Variants in NPR3 observed in about 807,000 individuals in gnomAD.
NPR3 encodes the protein atrial natriuretic peptide receptor 3.
NPR3 carries 34 observed loss-of-function variants against 54.5 expected under a neutral mutation model. The ratio of observed to expected loss-of-function variants is 0.62; its 90% CI spans 0.47 to 0.83. The LOEUF (loss-of-function observed/expected upper bound fraction) is 0.83. Among genes scored for constraint, NPR3 ranks in the 40% least tolerant of loss-of-function variants. The probability of loss-of-function intolerance (pLI) is 0.00; values close to 1 mark genes in which losing one functional copy is unlikely to be tolerated. For synonymous variants in NPR3, 289 were observed against 297.1 expected, an observed-to-expected ratio of 0.97 and a Z score of 0.28; for missense variants, 674 against 720.8, an observed-to-expected ratio of 0.94 and a Z score of 0.74.
At chr5:32,784,111 G>T (rs1375300580) in intron 6 of NPR3, among the ~76,000 whole-genome samples, 1 of 152,162 alleles carries the variant, frequency 6.6e-6, no homozygotes, top group African/African-American at 2.4e-5. Context: ...AAATCTTCTA[G>T]CACTTTGAAG....
chr5:32,710,784 G>C, upstream of NPR3: 1 of 1,540,104 alleles, frequency 6.5e-7, no homozygotes, highest in Non-Finnish European at 8.8e-7. Context: ...AACGAGAAAG[G>C]TGAGAGCAAG....
chr5:32,742,741 G>T lies in NPR3; in HGVS notation c.1059+3711G>T, dbSNP rs527252747. Among the ~76,000 whole-genome samples the T allele has an allele frequency of 3.3e-5, 5 of 152,166 alleles. No homozygotes were observed. In the South Asian group the frequency reaches 1.0e-3, roughly 32 times the overall value. ...CGGGGGACACTCTTTATTAGACTGT[G>T]GCAGTTCCCTTTTCTCTCTTGTTAG... On this transcript the variant is annotated intron_variant, in intron 3 of 7. Coordinates refer to ENST00000265074, the MANE Select transcript of NPR3 (RefSeq NM_001204375.2).
At chr5:32,738,841 A>ATTTT in intron 2 of NPR3, 23 bp from the exon 3 acceptor site, 1 of 1,605,364 alleles carries the variant, frequency 6.2e-7, no homozygotes, top group Non-Finnish European at 8.5e-7. Context: ...TTGGAATTAT[A>ATTTT]AATATTTTTA....
At chr5:32,749,335 A>G (rs769760841) in intron 3 of NPR3, among the ~76,000 whole-genome samples, 4 of 152,100 alleles carry the variant, frequency 2.6e-5, no homozygotes, top group Non-Finnish European at 4.4e-5. Context: ...ATTTTCTTTT[A>G]CTTTCTGCAT....
At chr5:32,700,599 A>G (rs773912540) in intron 1 of NPR3, among the ~76,000 whole-genome samples, 4 of 139,820 alleles carry the variant, frequency 2.9e-5, no homozygotes, top group Non-Finnish European at 4.6e-5. Flanking sequence ...CCCTGTGTCC[A>G]TGTGTTCTCA....
chr5:32,729,328 C>T (rs1189398710), intron 2 of NPR3, among the ~76,000 whole-genome samples: 1 of 152,142 alleles, frequency 6.6e-6, no homozygotes, highest in Non-Finnish European at 1.5e-5. Flanking sequence ...CGAGCCCGGC[C>T]TGCCTGTGTT....
chr5:32,715,510 T>TTACC (rs1738498203), intron 1 of NPR3, among the ~76,000 whole-genome samples: 1 of 152,212 alleles, frequency 6.6e-6, no homozygotes, highest in African/African-American at 2.4e-5. Flanking sequence ...TTTTAAGGAT[T>TTACC]TACCATCTAA....
intron 2 of NPR3, among the ~76,000 whole-genome samples, chr5:32,737,565 T>C (rs1312058368): frequency 6.6e-6 from 1 of 152,162 alleles, no homozygotes; most frequent in Non-Finnish European, 1.5e-5. Context: ...CAAATGACTT[T>C]GGCACTGGAC....
At position 32,791,575 on chromosome 5, in the gene NPR3, T is replaced by C. The variant is rs1742914657; in HGVS notation, c.*5230T>C. ...TTTGTATAATATATTTTATTTCTTG[T>C]GCGAACTGGTCATTTAAAATATCTA... is the stretch of plus-strand genomic sequence containing the variant. On this transcript the variant is annotated 3_prime_UTR_variant, in exon 8 of 8. Transcript: ENST00000265074. The C allele has an allele frequency of 6.0e-6, 1 of 167,110 alleles. No homozygotes were observed. The highest frequency in any genetic ancestry group is 2.1e-4 in the South Asian group (1 of 4,838). 10.4% of individuals were successfully genotyped at this position (167,110 alleles called of 1,614,324 possible).
At chr5:32,769,826 G>A (rs150167449) in intron 3 of NPR3, among the ~76,000 whole-genome samples, 3 of 152,314 alleles carry the variant, frequency 2.0e-5, no homozygotes, top group Non-Finnish European at 2.9e-5. Context: ...GGCCGGCAGC[G>A]TTCTATGCTG....
chr5:32,776,985 A>G (rs1742085409), intron 4 of NPR3, among the ~76,000 whole-genome samples: 1 of 152,254 alleles, frequency 6.6e-6, no homozygotes, highest in Non-Finnish European at 1.5e-5. Context: ...TCCAGAGGGA[A>G]TGGCAAACGT....
rs1742707044 is a variant in NPR3, at chr5:32,787,644, C to T, written c.*1299C>T. On this transcript the variant is annotated 3_prime_UTR_variant, in exon 8 of 8. Coordinates refer to ENST00000265074, the MANE Select transcript of NPR3 (RefSeq NM_001204375.2). ...AACTCCACAGAACTTTGTAGGCATC[C>T]ATGAATACCTGTAATAGTGGGTTAG... 1.3e-5 allele frequency: 2 copies of T among 152,164 alleles called. No individual in the cohort carries two copies. The highest frequency in any genetic ancestry group is 6.5e-5 in the Admixed American group (1 of 15,268). 9.4% of individuals were successfully genotyped at this position (152,164 alleles called of 1,614,324 possible). A position where few individuals can be genotyped will look rare whatever the true frequency, so the allele number is the denominator to read the frequency against.
chr5:32,781,698 G>T (rs1742345719), intron 5 of NPR3, among the ~76,000 whole-genome samples: 1 of 152,234 alleles, frequency 6.6e-6, no homozygotes, highest in Non-Finnish European at 1.5e-5. Context: ...TTTAATGAAT[G>T]ATTGTTTTGC....
chr5:32,717,804 T>C (rs1031909660), intron 1 of NPR3, among the ~76,000 whole-genome samples: 2 of 152,204 alleles, frequency 1.3e-5, no homozygotes, highest in Non-Finnish European at 2.9e-5. Flanking sequence ...ATTCTCTAGG[T>C]TGCCTGTTCA....
At chr5:32,773,346 T>C (rs1201234307) in intron 3 of NPR3, among the ~76,000 whole-genome samples, 2 of 152,210 alleles carry the variant, frequency 1.3e-5, no homozygotes, top group East Asian at 1.9e-4. Context: ...TTAAATGTGG[T>C]ATTAGAATTT....
chr5:32,691,124 G>T (rs1001910826), intron 1 of NPR3, among the ~76,000 whole-genome samples: 4 of 152,212 alleles, frequency 2.6e-5, no homozygotes, highest in African/African-American at 7.2e-5. Context: ...GCTGTTTTAA[G>T]ATACTAAGTT....
upstream of NPR3, chr5:32,710,834 G>T: frequency 1.5e-6 from 2 of 1,339,670 alleles, no homozygotes; most frequent in South Asian, 1.4e-5. Flanking sequence ...ACAATTTCTA[G>T]AACCATCCCT....
chr5:32,751,880 G>A (rs114170283), intron 3 of NPR3, among the ~76,000 whole-genome samples: 1,671 of 152,256 alleles, frequency 0.011, 35 homozygotes, highest in African/African-American at 0.038. Flanking sequence ...CCTTATATGA[G>A]GGAGAAGTGT....
chr5:32,790,612 T>C lies in NPR3; in HGVS notation c.*4267T>C, dbSNP rs1322853420. Reference sequence around the variant, plus strand: ...GTTCAGCATGCACATTCCATAAATATCTCTTGCAGGCATACCCCACAGCTA... The same window carrying C: ...GTTCAGCATGCACATTCCATAAATACCTCTTGCAGGCATACCCCACAGCTA... On this transcript the variant is annotated 3_prime_UTR_variant, in exon 8 of 8. Transcript: ENST00000265074. 6.0e-6 allele frequency: 1 copy of C among 166,710 alleles called. No individual in the cohort carries two copies. The highest frequency in any genetic ancestry group is 1.5e-5 in the Non-Finnish European group (1 of 68,116). 10.3% of individuals were successfully genotyped at this position (166,710 alleles called of 1,614,324 possible).
Sources: allele counts gnomAD v4.1 joint callset (sites outside exome capture counted in the v4.1 genomes callset), GRCh38; gene constraint gnomAD v4.1.1; transcripts MANE v1.5; gene names NCBI Gene and HGNC (gene_info 2026-07-23, HGNC 2026-07-21).